PRKN: variants seen among roughly 807,000 people sequenced by gnomAD.
PRKN encodes the protein E3 ubiquitin-protein ligase parkin.
In PRKN, 56 loss-of-function variants were observed where a neutral mutation model predicts 59.5. The observed-to-expected ratio is 0.94, with a 90% confidence interval of 0.76 to 1.18. The LOEUF (loss-of-function observed/expected upper bound fraction) is 1.18, where lower values mean the gene tolerates loss of function less well. PRKN is among the 50% of genes most tolerant of loss of function. PRKN has a pLI of 0.00. For missense variants in PRKN, 657 were observed against 596.4 expected, an observed-to-expected ratio of 1.10 and a Z score of -1.06; for synonymous variants, 250 against 222.1, an observed-to-expected ratio of 1.13 and a Z score of -1.12.
chr6:161,742,416 T>A (rs75671398), intron 7 of PRKN, among the ~76,000 whole-genome samples: 5,221 of 152,264 alleles, frequency 0.034, 95 homozygotes, highest in African/African-American at 0.05. Context: ...CTTTCCTTTA[T>A]AAATAAGGGA....
At chr6:162,310,845 C>G (rs1259222023) in intron 2 of PRKN, among the ~76,000 whole-genome samples, 2 of 151,804 alleles carry the variant, frequency 1.3e-5, no homozygotes, top group African/African-American at 4.8e-5. Context: ...GAATTCAAAA[C>G]AACTGACATA....
At chr6:161,365,295 TCTA>T (rs1326506199) in intron 10 of PRKN, among the ~76,000 whole-genome samples, 2 of 152,200 alleles carry the variant, frequency 1.3e-5, no homozygotes, top group African/African-American at 4.8e-5. Context: ...CTTGCTAAAC[TCTA>T]GAGTCTTAGC....
intron 1 of PRKN, among the ~76,000 whole-genome samples, chr6:162,709,891 G>C (rs1038513020): frequency 7.3e-6 from 1 of 136,106 alleles, no homozygotes; most frequent in Non-Finnish European, 1.6e-5. Context: ...CTAGGAGGTG[G>C]ACAGTGGGGT....
In PRKN at chr6:161,518,398, G is replaced by A. The variant is rs1453568978; in HGVS notation, c.1083+30456C>T. ...GCCCAGAAACAGCCAGTAGCCAGGC[G>A]TGGTGGTGGGCGCCTGTAGTCCCAG... On this transcript the variant is annotated intron_variant, in intron 9 of 11. Transcript: ENST00000366898. This position sits in a 1 kb window ranked among gnomAD's most constrained non-coding sequence, Gnocchi z 5.0. 1.3e-5 allele frequency among the ~76,000 whole-genome samples: 2 copies of A among 152,214 alleles called. No individual in the cohort carries two copies. Among genetic ancestry groups the A allele is most frequent in the South Asian group, 2.1e-4 (1 of 4,834 alleles).
intron 2 of PRKN, among the ~76,000 whole-genome samples, chr6:162,422,759 A>T (rs1201264885): frequency 6.6e-6 from 1 of 152,102 alleles, no homozygotes; most frequent in African/African-American, 2.4e-5. Flanking sequence ...AGCCCAGGCA[A>T]CATGGTGAAA....
intron 2 of PRKN, among the ~76,000 whole-genome samples, chr6:162,301,183 T>C (rs1781932697): frequency 6.6e-6 from 1 of 152,090 alleles, no homozygotes; most frequent in Non-Finnish European, 1.5e-5. Flanking sequence ...CACTATGATT[T>C]CTCCTTTGTG....
At chr6:162,616,195 AC>A (rs1782404622) in intron 1 of PRKN, among the ~76,000 whole-genome samples, 1 of 151,930 alleles carries the variant, frequency 6.6e-6, no homozygotes, top group African/African-American at 2.4e-5. Flanking sequence ...ACTACCCCTG[AC>A]CCCACTGCCT....
chr6:162,586,050 T>C (rs1362841395), intron 1 of PRKN, among the ~76,000 whole-genome samples: 1 of 152,122 alleles, frequency 6.6e-6, no homozygotes, highest in East Asian at 1.9e-4. Context: ...ACATCTCCAA[T>C]ATTACAAAAG....
At chr6:162,150,208 G>A (rs770379150) in intron 4 of PRKN, among the ~76,000 whole-genome samples, 11 of 152,088 alleles carry the variant, frequency 7.2e-5, no homozygotes, top group African/African-American at 1.7e-4. Context: ...AATACCTGAC[G>A]GACAACAACA....
At chr6:161,666,949 G>A (rs1221527373) in intron 7 of PRKN, among the ~76,000 whole-genome samples, 1 of 152,162 alleles carries the variant, frequency 6.6e-6, no homozygotes, top group African/African-American at 2.4e-5. Context: ...CACCTTCTGT[G>A]CAAGAGCCAG....
intron 6 of PRKN, among the ~76,000 whole-genome samples, chr6:161,901,147 A>C (rs1167291809): frequency 6.6e-6 from 1 of 151,846 alleles, no homozygotes; most frequent in Non-Finnish European, 1.5e-5. Flanking sequence ...CAAACCCCTG[A>C]CTCAGGTGAT....
intron 5 of PRKN, among the ~76,000 whole-genome samples, chr6:162,050,826 C>T (rs1175620555): frequency 6.6e-6 from 1 of 152,108 alleles, no homozygotes; most frequent in African/African-American, 2.4e-5. Context: ...TCCCACCTCC[C>T]CCCAATCACC....
chr6:161,816,473 G>T (rs1479900430), intron 6 of PRKN, among the ~76,000 whole-genome samples: 1 of 152,068 alleles, frequency 6.6e-6, no homozygotes, highest in African/African-American at 2.4e-5. Context: ...ATGACTAATT[G>T]AATTGCACAC....
Position 162,352,151 on chromosome 6 carries a change from C to A in PRKN, c.172-89386G>T, listed in dbSNP as rs776277651. On this transcript the variant is annotated intron_variant, in intron 2 of 11. Transcript: ENST00000366898. ...ACATGGACTTCACAAACAGCAGCACCGTAGGTCTCCCTGAAGCACTCCCAG... is the reference window on the plus strand; with the variant it reads ...ACATGGACTTCACAAACAGCAGCACAGTAGGTCTCCCTGAAGCACTCCCAG... Among the ~76,000 whole-genome samples, 3 of 152,070 alleles carry A rather than the reference C, an allele frequency of 2.0e-5. No individual in the cohort carries two copies. The East Asian group carries it at 5.8e-4, about 29-fold the overall frequency.
intron 2 of PRKN, among the ~76,000 whole-genome samples, chr6:162,382,944 C>A (rs907394768): frequency 6.6e-6 from 1 of 152,134 alleles, no homozygotes; most frequent in Non-Finnish European, 1.5e-5. Context: ...TTTGTTCATC[C>A]GTAAGAAGCA....
At chr6:162,318,793 T>C (rs1216081952) in intron 2 of PRKN, among the ~76,000 whole-genome samples, 6 of 152,010 alleles carry the variant, frequency 3.9e-5, no homozygotes, top group African/African-American at 4.8e-5. Context: ...GCCAAAGATA[T>C]AACATTTGTG....
chr6:161,807,831 G>A (rs79163522), intron 6 of PRKN, among the ~76,000 whole-genome samples: 6,778 of 152,146 alleles, frequency 0.045, 484 homozygotes, highest in African/African-American at 0.15. Flanking sequence ...CATAACATCT[G>A]CAAGGACTCC....
intron 7 of PRKN, among the ~76,000 whole-genome samples, chr6:161,736,806 T>A (rs55687922): frequency 0.02 from 3,075 of 152,300 alleles, 36 homozygotes; most frequent in Middle Eastern, 0.037. Flanking sequence ...CAAGACCTCA[T>A]CTATTCTGGG....
chr6:161,442,811 CT>C lies in PRKN; in HGVS notation c.1084-55935del, dbSNP rs1390867092. Among the ~76,000 whole-genome samples the C allele has an allele frequency of 6.6e-6, 1 of 152,154 alleles. No individual in the cohort carries two copies. Among genetic ancestry groups the C allele is most frequent in the African/African-American group, 2.4e-5 (1 of 41,426 alleles). Reference sequence around the variant, plus strand: ...GGAAGCAAAAGAGAGGTTCTCTTCCCTTTCATTTTGGACATCGTAACAACTA... The same window carrying C: ...GGAAGCAAAAGAGAGGTTCTCTTCCCTTCATTTTGGACATCGTAACAACTA... On this transcript the variant is annotated intron_variant, in intron 9 of 11. Coordinates refer to ENST00000366898, the MANE Select transcript of PRKN (RefSeq NM_004562.3). The surrounding 1 kb of genome is among the most constrained non-coding windows in gnomAD (Gnocchi z 4.6).
Sources: allele counts gnomAD v4.1 joint callset (sites outside exome capture counted in the v4.1 genomes callset), GRCh38; gene constraint gnomAD v4.1.1; non-coding constraint Gnocchi (gnomAD v3.1); transcripts MANE v1.5; gene names NCBI Gene and HGNC (gene_info 2026-07-23, HGNC 2026-07-21).